Variants in UNC5C observed in about 807,000 individuals in gnomAD.
UNC5C encodes the protein unc-5 netrin receptor C.
In UNC5C, 47 loss-of-function variants were observed where a neutral mutation model predicts 99.8. The observed-to-expected ratio is 0.47, with a 90% CI of 0.37 to 0.60. UNC5C has a LOEUF of 0.60. UNC5C is among the 20% of genes least tolerant of loss of function. The pLI is 0.00. For missense variants in UNC5C, 1,062 were observed against 1,165.9 expected, an observed-to-expected ratio of 0.91 and a Z score of 1.30; for synonymous variants, 487 against 452.2, an observed-to-expected ratio of 1.08 and a Z score of -0.98.
At chr4:95,483,812 C>T (rs1378426303) in intron 1 of UNC5C, among the ~76,000 whole-genome samples, 1 of 151,706 alleles carries the variant, frequency 6.6e-6, no homozygotes, top group African/African-American at 2.4e-5. Flanking sequence ...TTTGTGATGG[C>T]CTCAAGAAAC....
At chr4:95,362,228 G>C (rs575953653) in intron 1 of UNC5C, among the ~76,000 whole-genome samples, 1 of 151,992 alleles carries the variant, frequency 6.6e-6, no homozygotes, top group Non-Finnish European at 1.5e-5. Flanking sequence ...CACGTGGTTC[G>C]GTTTCCCACT....
chr4:95,314,191 T>A (rs1742385231), intron 2 of UNC5C, among the ~76,000 whole-genome samples: 1 of 152,134 alleles, frequency 6.6e-6, no homozygotes, highest in African/African-American at 2.4e-5. Context: ...GAGAAAGACA[T>A]GACTGGTTTG....
intron 3 of UNC5C, among the ~76,000 whole-genome samples, chr4:95,300,572 G>A (rs1238975935): frequency 6.6e-6 from 1 of 152,098 alleles, no homozygotes; most frequent in African/African-American, 2.4e-5. Context: ...GTCTTAAAGT[G>A]GTAGAATGAA....
chr4:95,381,488 T>C (rs1371112570), intron 1 of UNC5C, among the ~76,000 whole-genome samples: 1 of 152,174 alleles, frequency 6.6e-6, no homozygotes, highest in Non-Finnish European at 1.5e-5. Flanking sequence ...TTTCTAGCTT[T>C]ATTACCAGAA....
chr4:95,221,433 T>G (rs2149368865), intron 7 of UNC5C, among the ~76,000 whole-genome samples: 1 of 152,290 alleles, frequency 6.6e-6, no homozygotes, highest in East Asian at 1.9e-4. Flanking sequence ...GCCACATGGT[T>G]TACATGGTGA....
In UNC5C at chr4:95,166,498, G is replaced by A. The variant is rs1406338148; in HGVS notation, c.*2736C>T. ...AAAAAGCATCTGAAGTGAACCCCAA[G>A]GGTTCTCAGTGACTTCAGTAAGACA... On this transcript the variant is annotated 3_prime_UTR_variant, in exon 16 of 16. Transcript: ENST00000453304. 2.0e-5 allele frequency: 3 copies of A among 152,150 alleles called. No individual in the cohort carries two copies. The highest frequency in any genetic ancestry group is 4.4e-5 in the Non-Finnish European group (3 of 68,022). 9.4% of individuals were successfully genotyped at this position (152,150 alleles called of 1,614,324 possible). A position where few individuals can be genotyped will look rare whatever the true frequency, so the allele number is the denominator to read the frequency against.
chr4:95,218,823 C>G, intron 9 of UNC5C, 146 bp downstream of exon 9: 1 of 735,736 alleles, frequency 1.4e-6, no homozygotes, highest in Non-Finnish European at 2.2e-6. Context: ...AAGTAATGTT[C>G]TGTTTACATT....
At chr4:95,340,771 A>G (rs1232771166) in intron 1 of UNC5C, among the ~76,000 whole-genome samples, 3 of 152,160 alleles carry the variant, frequency 2.0e-5, no homozygotes, top group Admixed American at 1.3e-4. Context: ...AGGGGGCACC[A>G]TTTTCTGCCC....
At chr4:95,481,130 C>A (rs1721139047) in intron 1 of UNC5C, among the ~76,000 whole-genome samples, 1 of 151,838 alleles carries the variant, frequency 6.6e-6, no homozygotes, top group Non-Finnish European at 1.5e-5. Context: ...AGCCCAAAAT[C>A]TCCTTAAGCT....
chr4:95,431,655 AATC>A (rs1746639701), intron 1 of UNC5C, among the ~76,000 whole-genome samples: 1 of 152,104 alleles, frequency 6.6e-6, no homozygotes, highest in Non-Finnish European at 1.5e-5. Context: ...TAAAAAATGA[AATC>A]ATGTCCTACA....
chr4:95,233,520 A>T (rs1342186363), intron 7 of UNC5C, among the ~76,000 whole-genome samples: 2 of 112,994 alleles, frequency 1.8e-5, no homozygotes, highest in African/African-American at 7.0e-5. Context: ...GCATTTCTGG[A>T]CTAGGCCATA....
At chr4:95,421,099 G>A (rs896164727) in intron 1 of UNC5C, among the ~76,000 whole-genome samples, 1 of 152,138 alleles carries the variant, frequency 6.6e-6, no homozygotes, top group Non-Finnish European at 1.5e-5. Flanking sequence ...TATTAGACAT[G>A]TATTTTCAAC....
In UNC5C at chr4:95,176,707, C is replaced by T. The variant is rs1736365891; in HGVS notation, c.2451+6190G>A. On this transcript the variant is annotated intron_variant, in intron 14 of 15. Transcript: ENST00000453304. ...CTGCTGTCTTTTTGTTTGTCTGTGC[C>T]CTGCCCCCAGAGGTGGAGCCTGCAG... 3.9e-5 allele frequency among the ~76,000 whole-genome samples: 6 copies of T among 152,222 alleles called. No homozygotes were observed. The South Asian group carries it at 1.2e-3, about 32-fold the overall frequency.
chr4:95,268,356 CA>C (rs1019538884), intron 4 of UNC5C, among the ~76,000 whole-genome samples: 35 of 152,174 alleles, frequency 2.3e-4, no homozygotes, highest in Middle Eastern at 3.4e-3. Flanking sequence ...TGCATTTTAC[CA>C]AAAGGGCAAT....
At chr4:95,475,952 C>T (rs1159987091) in intron 1 of UNC5C, among the ~76,000 whole-genome samples, 1 of 152,028 alleles carries the variant, frequency 6.6e-6, no homozygotes, top group Non-Finnish European at 1.5e-5. Context: ...ATTATGCTTA[C>T]CTGCATTATT....
chr4:95,330,197 CAA>C (rs1347732889), intron 2 of UNC5C, among the ~76,000 whole-genome samples: 3 of 152,032 alleles, frequency 2.0e-5, no homozygotes, highest in Non-Finnish European at 4.4e-5. Context: ...CTGCTAAGAT[CAA>C]ACTCTTTTAA....
chr4:95,513,594 C>T (rs1301604422), intron 1 of UNC5C, among the ~76,000 whole-genome samples: 1 of 151,972 alleles, frequency 6.6e-6, no homozygotes, highest in Non-Finnish European at 1.5e-5. Flanking sequence ...ATGAAGACAA[C>T]ACATTAAAAT....
At chr4:95,331,730 T>G (rs1377709790) in intron 2 of UNC5C, among the ~76,000 whole-genome samples, 1 of 152,134 alleles carries the variant, frequency 6.6e-6, no homozygotes, top group Non-Finnish European at 1.5e-5. Flanking sequence ...TAATTAATTT[T>G]TATGTACAAT....
At chr4:95,352,916 T>A (rs890281050) in intron 1 of UNC5C, among the ~76,000 whole-genome samples, 1 of 152,160 alleles carries the variant, frequency 6.6e-6, no homozygotes, top group African/African-American at 2.4e-5. Flanking sequence ...CCCAAATGAA[T>A]GTGGAATTAT....
Sources: gnomAD v4.1 joint callset for allele counts (sites outside exome capture counted in the v4.1 genomes callset) on GRCh38, gnomAD v4.1.1 for gene constraint, MANE v1.5 for transcripts, NCBI Gene and HGNC (gene_info 2026-07-23, HGNC 2026-07-21) for gene names.